Variants in NRXN1 observed in about 807,000 individuals in gnomAD.
NRXN1 encodes the protein neurexin 1.
NRXN1 carries 39 observed loss-of-function variants against 150.9 expected under a neutral mutation model. The observed-to-expected ratio is 0.26, with a 90% CI of 0.20 to 0.34. The LOEUF (loss-of-function observed/expected upper bound fraction) is 0.34. Ranked by LOEUF, NRXN1 falls within the 10% of genes least tolerant of loss-of-function variation. The probability of loss-of-function intolerance (pLI) is 1.00; values close to 1 mark genes in which losing one functional copy is unlikely to be tolerated. For synonymous variants in NRXN1, 924 were observed against 757.0 expected (o/e 1.22, Z -3.62); for missense variants, 1,815 against 1,949.9 (o/e 0.93, Z 1.30).
chr2:49,932,948 G>C (rs369420485), intron 22 of NRXN1, among the ~76,000 whole-genome samples: 2 of 152,060 alleles, frequency 1.3e-5, no homozygotes, highest in African/African-American at 4.8e-5. Context: ...TCTGTCTATG[G>C]CTACTAATAT....
chr2:50,465,381 G>C (rs1305131207), intron 17 of NRXN1, 61 bp downstream of exon 17: 1 of 1,485,822 alleles, frequency 6.7e-7, no homozygotes, highest in Non-Finnish European at 9.1e-7. Flanking sequence ...TTAGACTTTA[G>C]ATATCAAACA....
chr2:50,242,550 A>T (rs1475672627), intron 17 of NRXN1, among the ~76,000 whole-genome samples: 2 of 151,796 alleles, frequency 1.3e-5, no homozygotes, highest in African/African-American at 4.8e-5. Context: ...ATTCAGAAAA[A>T]GTGAACATCT....
chr2:49,957,737 G>T (rs1254161454), intron 21 of NRXN1, among the ~76,000 whole-genome samples: 2 of 152,158 alleles, frequency 1.3e-5, no homozygotes, highest in East Asian at 3.9e-4. Context: ...TAGGTAAAGA[G>T]AAGGAAACCC....
intron 17 of NRXN1, among the ~76,000 whole-genome samples, chr2:50,382,840 T>C (rs1444053615): frequency 1.3e-5 from 2 of 152,288 alleles, no homozygotes; most frequent in Non-Finnish European, 1.5e-5. Flanking sequence ...CAGCTTTTAC[T>C]GGTAATGCCC....
intron 17 of NRXN1, among the ~76,000 whole-genome samples, chr2:50,355,631 C>A (rs938043233): frequency 7.2e-5 from 11 of 152,092 alleles, no homozygotes; most frequent in African/African-American, 2.7e-4. Context: ...CTTCCTTCGT[C>A]TCTTAGTATT....
chr2:50,131,510 G>C (rs993690937), intron 18 of NRXN1, among the ~76,000 whole-genome samples: 18 of 152,134 alleles, frequency 1.2e-4, no homozygotes, highest in African/African-American at 4.3e-4. Context: ...AGAGGACATG[G>C]ACCTTGTCTT....
intron 17 of NRXN1, among the ~76,000 whole-genome samples, chr2:50,291,354 T>G (rs531962826): frequency 2.0e-5 from 3 of 152,266 alleles, no homozygotes; most frequent in South Asian, 4.1e-4. Context: ...GCTTAAGATT[T>G]TATCCTTAAC....
intron 17 of NRXN1, among the ~76,000 whole-genome samples, chr2:50,251,903 G>T (rs1256107094): frequency 6.6e-6 from 1 of 151,972 alleles, no homozygotes; most frequent in Admixed American, 6.6e-5. Flanking sequence ...TTGTAAATTT[G>T]CCCAGGTTCC....
chr2:50,454,047 G>T (rs910216970), intron 17 of NRXN1, among the ~76,000 whole-genome samples: 4 of 152,114 alleles, frequency 2.6e-5, no homozygotes, highest in Non-Finnish European at 4.4e-5. Context: ...TAATATACAG[G>T]CCAGGTGAGG....
intron 15 of NRXN1, among the ~76,000 whole-genome samples, chr2:50,489,203 A>AC (rs2091083261): frequency 6.6e-6 from 1 of 152,188 alleles, no homozygotes; most frequent in South Asian, 2.1e-4. Context: ...CCAAGCATGG[A>AC]AGCCAAGGCC....
chr2:50,336,502 T>A (rs766479767), intron 17 of NRXN1, among the ~76,000 whole-genome samples: 5 of 152,242 alleles, frequency 3.3e-5, no homozygotes, highest in African/African-American at 7.2e-5. Context: ...TTTCTCTATA[T>A]CCTGCCTTCA....
chr2:50,049,978 T>C (rs1023933943), intron 21 of NRXN1, among the ~76,000 whole-genome samples: 5 of 152,024 alleles, frequency 3.3e-5, no homozygotes, highest in African/African-American at 7.2e-5. Flanking sequence ...ATGAATTTTA[T>C]AAATTTTATA....
chr2:50,608,443 A>G (rs1365415781), intron 8 of NRXN1, among the ~76,000 whole-genome samples: 1 of 152,146 alleles, frequency 6.6e-6, no homozygotes. Context: ...TCACATCCAC[A>G]GCTTGTTTAG....
intron 2 of NRXN1, among the ~76,000 whole-genome samples, chr2:50,937,640 G>T (rs1688744185): frequency 1.3e-5 from 2 of 152,130 alleles, no homozygotes; most frequent in Admixed American, 6.6e-5. Flanking sequence ...TGTTTATGAA[G>T]TAGATGATGA....
chr2:50,083,490 G>A (rs72891452), intron 19 of NRXN1, among the ~76,000 whole-genome samples: 40,974 of 152,002 alleles, frequency 0.27, 5,876 homozygotes, highest in East Asian at 0.4. Context: ...GGACCCTAGC[G>A]CTGAGTGTTA....
chr2:50,331,381 A>C (rs1051216630), intron 17 of NRXN1, among the ~76,000 whole-genome samples: 1 of 152,132 alleles, frequency 6.6e-6, no homozygotes, highest in Non-Finnish European at 1.5e-5. Flanking sequence ...GTTTTTATGG[A>C]AGGACAAAAG....
chr2:50,154,139 G>T (rs2058866977), intron 18 of NRXN1, among the ~76,000 whole-genome samples: 2 of 151,504 alleles, frequency 1.3e-5, no homozygotes, highest in South Asian at 4.1e-4. Context: ...CAGATTCCTG[G>T]TGCTTCCTTT....
chr2:50,150,828 G>A (rs1454592525), intron 18 of NRXN1, among the ~76,000 whole-genome samples: 1 of 151,708 alleles, frequency 6.6e-6, no homozygotes, highest in Non-Finnish European at 1.5e-5. Context: ...AGAGTTGGTA[G>A]ATTGAGGAGT....
intron 19 of NRXN1, among the ~76,000 whole-genome samples, chr2:50,055,912 C>T (rs1250402750): frequency 1.3e-5 from 2 of 152,104 alleles, no homozygotes; most frequent in South Asian, 2.1e-4. Context: ...AAGTGAGAGC[C>T]CTGCTTCTTT....
Sources: gnomAD v4.1 joint callset for allele counts (sites outside exome capture counted in the v4.1 genomes callset) on GRCh38, gnomAD v4.1.1 for gene constraint, MANE v1.5 for transcripts, NCBI Gene and HGNC (gene_info 2026-07-23, HGNC 2026-07-21) for gene names.